The following CRYBG1 variants were observed in gnomAD, a reference collection of about 807,000 sequenced individuals.
CRYBG1 encodes the protein crystallin beta-gamma domain containing 1, also known as beta/gamma crystallin domain-containing protein 1.
Under a neutral mutation model 189.2 loss-of-function variants are expected in CRYBG1, and 139 were observed. That is an observed-to-expected ratio of 0.73 (90% CI 0.64 to 0.85). The LOEUF is 0.85. Among genes scored for constraint, CRYBG1 ranks in the 40% least tolerant of loss-of-function variants. The probability of loss-of-function intolerance (pLI) is 0.00; values close to 1 mark genes in which losing one functional copy is unlikely to be tolerated. For missense variants in CRYBG1, 2,611 were observed against 2,675.8 expected, an observed-to-expected ratio of 0.98 and a Z score of 0.53; for synonymous variants, 1,023 against 1,017.1, an observed-to-expected ratio of 1.01 and a Z score of -0.11.
chr6:106,517,333 TATATATATACACAC>T (rs1166688473), intron 3 of CRYBG1, among the ~76,000 whole-genome samples: 2 of 115,718 alleles, frequency 1.7e-5, no homozygotes, highest in Non-Finnish European at 3.5e-5. Context: ...TATATACACA[TATATATATACACAC>T]ACATATATAT....
At chr6:106,472,569 A>G (rs751068409) in intron 2 of CRYBG1, among the ~76,000 whole-genome samples, 8 of 151,954 alleles carry the variant, frequency 5.3e-5, no homozygotes, top group Non-Finnish European at 1.2e-4. Flanking sequence ...CTTTTTATGG[A>G]ATTATAGTAA....
intron 1 of CRYBG1, among the ~76,000 whole-genome samples, chr6:106,390,782 CTG>C (rs1370575917): frequency 6.6e-6 from 1 of 152,098 alleles, no homozygotes; most frequent in African/African-American, 2.4e-5. Context: ...TATTTTATGA[CTG>C]TGTTACAGTT....
chr6:106,469,603 T>C (rs1284694850), intron 2 of CRYBG1, among the ~76,000 whole-genome samples: 1 of 152,194 alleles, frequency 6.6e-6, no homozygotes. Flanking sequence ...TTGATTTGGT[T>C]TGATTTATTG....
intron 2 of CRYBG1, among the ~76,000 whole-genome samples, chr6:106,474,491 GT>G (rs1772296870): frequency 6.6e-6 from 1 of 152,136 alleles, no homozygotes; most frequent in Admixed American, 6.5e-5. Context: ...AGTCATAAAG[GT>G]TTTACTTTTT....
intron 2 of CRYBG1, among the ~76,000 whole-genome samples, chr6:106,506,731 G>A (rs1459047546): frequency 6.6e-6 from 1 of 152,030 alleles, no homozygotes; most frequent in Non-Finnish European, 1.5e-5. Flanking sequence ...GGGATTACAG[G>A]TGTGAGCCAC....
chr6:106,466,246 T>C (rs1012707350), intron 2 of CRYBG1, among the ~76,000 whole-genome samples: 1 of 152,114 alleles, frequency 6.6e-6, no homozygotes, highest in African/African-American at 2.4e-5. Flanking sequence ...GCATAAATAG[T>C]AATGAAGGAA....
At chr6:106,502,155 A>G (rs1232098939) in intron 2 of CRYBG1, among the ~76,000 whole-genome samples, 1 of 152,230 alleles carries the variant, frequency 6.6e-6, no homozygotes, top group African/African-American at 2.4e-5. Context: ...CATCTCCTGC[A>G]TCATATCATT....
intron 2 of CRYBG1, among the ~76,000 whole-genome samples, chr6:106,494,518 A>G (rs1002381481): frequency 1.3e-5 from 2 of 152,194 alleles, no homozygotes; most frequent in Non-Finnish European, 2.9e-5. Flanking sequence ...GATGAAAGAA[A>G]GAGGAGAACA....
chr6:106,542,977 CATTTT>C (rs201220565), intron 10 of CRYBG1, among the ~76,000 whole-genome samples: 44,394 of 147,896 alleles, frequency 0.3, 7,232 homozygotes, highest in African/African-American at 0.41. Context: ...ATGATTAGAA[CATTTT>C]ATTTTATTTT....
chr6:106,507,375 A>C (rs1263002645), intron 2 of CRYBG1, among the ~76,000 whole-genome samples: 1 of 152,194 alleles, frequency 6.6e-6, no homozygotes, highest in Non-Finnish European at 1.5e-5. Flanking sequence ...CAGAAAATAC[A>C]CAGTAAAAAG....
At chr6:106,382,627 A>G (rs906078134) in intron 1 of CRYBG1, among the ~76,000 whole-genome samples, 3 of 152,172 alleles carry the variant, frequency 2.0e-5, no homozygotes. Context: ...ATAAAAATCA[A>G]ATTTTCTACC....
At chr6:106,514,702 G>A (rs538343406) in intron 3 of CRYBG1, among the ~76,000 whole-genome samples, 193 of 152,286 alleles carry the variant, frequency 1.3e-3, no homozygotes, top group African/African-American at 4.4e-3. Flanking sequence ...AGAAAAACCA[G>A]AAATGTTACA....
At chr6:106,380,366 A>C (rs1227952756) in intron 1 of CRYBG1, among the ~76,000 whole-genome samples, 1 of 152,172 alleles carries the variant, frequency 6.6e-6, no homozygotes, top group South Asian at 2.1e-4. Context: ...CAGGGCTTGG[A>C]TGTGGGACAG....
chr6:106,533,457 A>C (rs1374164021), intron 8 of CRYBG1, among the ~76,000 whole-genome samples: 2 of 152,220 alleles, frequency 1.3e-5, no homozygotes, highest in Admixed American at 6.5e-5. Flanking sequence ...TTGTGTTATT[A>C]ATAGAAGGAT....
intron 2 of CRYBG1, among the ~76,000 whole-genome samples, chr6:106,493,668 G>A (rs1218335282): frequency 6.6e-6 from 1 of 151,530 alleles, no homozygotes; most frequent in African/African-American, 2.4e-5. Context: ...GCAGGGACAT[G>A]GATAGAGCTG....
intron 2 of CRYBG1, among the ~76,000 whole-genome samples, chr6:106,470,895 C>T (rs1562316000): frequency 6.6e-6 from 1 of 152,174 alleles, no homozygotes; most frequent in Non-Finnish European, 1.5e-5. Flanking sequence ...GGTGCCTAGA[C>T]TCTAAGCAGT....
At chr6:106,389,501 T>C (rs1309279193) in intron 1 of CRYBG1, among the ~76,000 whole-genome samples, 1 of 152,162 alleles carries the variant, frequency 6.6e-6, no homozygotes, top group Non-Finnish European at 1.5e-5. Flanking sequence ...TCAAAATTGA[T>C]GTATTCTTTC....
chr6:106,414,207 C>T (rs1428440536), intron 1 of CRYBG1, among the ~76,000 whole-genome samples: 2 of 152,204 alleles, frequency 1.3e-5, no homozygotes, highest in African/African-American at 4.8e-5. Flanking sequence ...TTCCAAACAA[C>T]GCTTCAAGTG....
chr6:106,437,061 G>T (rs146757594), intron 1 of CRYBG1, among the ~76,000 whole-genome samples: 2,753 of 152,146 alleles, frequency 0.018, 99 homozygotes, highest in African/African-American at 0.063. Flanking sequence ...TACTATAATT[G>T]CACCTATGAA....
Sources: allele counts gnomAD v4.1 joint callset (sites outside exome capture counted in the v4.1 genomes callset), GRCh38; gene constraint gnomAD v4.1.1; transcripts MANE v1.5; gene names NCBI Gene and HGNC (gene_info 2026-07-23, HGNC 2026-07-21).